The following GDI2 variants were observed in gnomAD, a reference collection of about 807,000 sequenced individuals.
GDI2 encodes rab GDP dissociation inhibitor beta.
A neutral mutation model predicts 54.2 loss-of-function variants in GDI2; 22 were observed. That is an observed-to-expected ratio of 0.41 (90% CI 0.29 to 0.58). GDI2 has a LOEUF of 0.58. Ranked by LOEUF, GDI2 falls within the 20% of genes least tolerant of loss-of-function variation. The pLI, the probability that GDI2 is intolerant of heterozygous loss-of-function variation, is 0.35. For synonymous variants in GDI2, 177 were observed against 182.1 expected, an observed-to-expected ratio of 0.97 and a Z score of 0.23; for missense variants, 422 against 546.0, an observed-to-expected ratio of 0.77 and a Z score of 2.26.
intron 4 of GDI2, among the ~76,000 whole-genome samples, chr10:5,794,172 G>GAAAAAAAAAAAAA (rs1256206663): frequency 3.6e-5 from 1 of 27,966 alleles, no homozygotes; most frequent in East Asian, 9.2e-4. Flanking sequence ...GTCTTTAAAA[G>GAAAAAAAAAAAAA]AAAAAAAAAA....
Position 5,774,018 on chromosome 10 carries a change from G to A in GDI2, c.720-77C>T, listed in dbSNP as rs1170298563. 4 of 678,988 alleles carry A rather than the reference G, an allele frequency of 5.9e-6. No individual in the cohort carries two copies. The highest frequency in any genetic ancestry group is 3.5e-5 in the South Asian group (2 of 57,760). 42.1% of individuals were successfully genotyped at this position (678,988 alleles called of 1,614,324 possible). ...AAAGTCCCCTTTCTTAGATCTTAAT[G>A]AGTTACAGACAATATACATTTGTTC... On this transcript the variant is annotated intron_variant, in intron 6 of 10. Coordinates refer to ENST00000380191, the MANE Select transcript of GDI2 (RefSeq NM_001494.4). This position sits in a 1 kb window ranked among gnomAD's most constrained non-coding sequence, Gnocchi z 4.8.
At chr10:5,787,190 C>T (rs1203498114) in intron 4 of GDI2, among the ~76,000 whole-genome samples, 3 of 152,098 alleles carry the variant, frequency 2.0e-5, no homozygotes, top group Admixed American at 6.6e-5. Flanking sequence ...CATTTTCCAG[C>T]CAACAAAACT....
In GDI2 at chr10:5,776,527, A is replaced by G. The variant is rs572660026; in HGVS notation, c.720-2586T>C. 1,078 of 1,495,100 alleles carry G rather than the reference A, an allele frequency of 7.2e-4. 12 individuals are homozygous for G. In the East Asian group the frequency reaches 0.022, roughly 30 times the overall value. The allele number at this position is 1,495,100 out of a possible 1,614,324, so 92.6% of individuals were successfully genotyped here. A position where few individuals can be genotyped will look rare whatever the true frequency, so the allele number is the denominator to read the frequency against. ...CCGAAAGATAAAACAATTATAGAGAAGCAGATTTGAAGAGGCATGTGGAAT... is the reference window on the plus strand; with the variant it reads ...CCGAAAGATAAAACAATTATAGAGAGGCAGATTTGAAGAGGCATGTGGAAT... On this transcript the variant is annotated intron_variant, in intron 6 of 10. Coordinates refer to ENST00000380191, the MANE Select transcript of GDI2 (RefSeq NM_001494.4). This position sits in a 1 kb window ranked among gnomAD's most constrained non-coding sequence, Gnocchi z 5.3.
Position 5,765,975 on chromosome 10 carries a change from T to C in GDI2, c.*31A>G. ...TGCATTATTTGCCAAATTTTAAATGTGTCCTAATTACATAATAACATGTAC... is the reference window on the plus strand; with the variant it reads ...TGCATTATTTGCCAAATTTTAAATGCGTCCTAATTACATAATAACATGTAC... On this transcript the variant is annotated 3_prime_UTR_variant, in exon 11 of 11. Coordinates refer to ENST00000380191, the MANE Select transcript of GDI2 (RefSeq NM_001494.4). The C allele has an allele frequency of 6.6e-7, 1 of 1,519,754 alleles. No homozygotes were observed. The highest frequency in any genetic ancestry group is 1.3e-5 in the South Asian group (1 of 79,134). The allele number at this position is 1,519,754 out of a possible 1,614,324, so 94.1% of individuals were successfully genotyped here.
At chr10:5,782,790 G>A (rs560791047) in intron 6 of GDI2, among the ~76,000 whole-genome samples, 11 of 152,188 alleles carry the variant, frequency 7.2e-5, no homozygotes, top group East Asian at 3.9e-4. Flanking sequence ...AAAATTAGCC[G>A]GATGTGGTGG....
At chr10:5,806,375 G>C (rs577710277) in intron 1 of GDI2, among the ~76,000 whole-genome samples, 13 of 13,846 alleles carry the variant, frequency 9.4e-4, no homozygotes, top group Non-Finnish European at 7.9e-4. Context: ...AGGTAACACA[G>C]TGAGACCCCC....
At chr10:5,791,678 C>T (rs1588979849) in intron 4 of GDI2, among the ~76,000 whole-genome samples, 1 of 149,148 alleles carries the variant, frequency 6.7e-6, no homozygotes, top group African/African-American at 2.5e-5. Context: ...ACCCAGGAGG[C>T]GGAGGTTGCA....
chr10:5,766,493 C>A lies in GDI2; in HGVS notation c.1136+1G>T. ...GGCAGATATAAAAGAACACAACTCA[C>A]TTCTGTTCAATTGGTTCCAAGAGCT... On this transcript the variant is annotated splice_donor_variant, in intron 9 of 10. Coordinates refer to ENST00000380191, the MANE Select transcript of GDI2 (RefSeq NM_001494.4). LOFTEE classifies it high-confidence loss of function. The surrounding 1 kb of genome is among the most constrained non-coding windows in gnomAD (Gnocchi z 5.8). 6.2e-7 allele frequency: 1 copy of A among 1,613,158 alleles called. No homozygotes were observed. The highest frequency in any genetic ancestry group is 8.5e-7 in the Non-Finnish European group (1 of 1,179,826).
rs1840865313 is a variant in GDI2 at position 5,785,973 on chromosome 10, T to C, written c.466A>G (p.Arg156Gly). 6.2e-7 allele frequency: 1 copy of C among 1,613,104 alleles called. No homozygotes were observed. Among genetic ancestry groups the C allele is most frequent in the Non-Finnish European group, 8.5e-7 (1 of 1,179,084 alleles). The change falls in exon 5 of 11, where the codon AGA becomes GGA. Residue 156 changes from arginine to glycine, a missense_variant. By Grantham distance (125) the Arg-to-Gly change is moderately radical. Transcript: ENST00000380191. ...YVANFDEKDP[R>G]TFEGIDPKKT... The stretch of plus-strand genomic sequence containing the variant: ...TTAGGATCAATGCCTTCAAAAGTTC[T>C]TGGATCTTTTTCATCGAAGTTGGCA...
chr10:5,791,087 T>C (rs1841001310), intron 4 of GDI2, among the ~76,000 whole-genome samples: 5 of 151,658 alleles, frequency 3.3e-5, no homozygotes, highest in Admixed American at 3.3e-4. Context: ...AGTCCGGGAG[T>C]TCAAGACCAA....
intron 6 of GDI2, among the ~76,000 whole-genome samples, chr10:5,777,920 T>C (rs1204181526): frequency 1.3e-5 from 2 of 151,980 alleles, no homozygotes; most frequent in African/African-American, 4.8e-5. Context: ...ATAAAGAAAA[T>C]GTGGCACATA....
At chr10:5,799,706 G>C (rs1006282114) in intron 2 of GDI2, among the ~76,000 whole-genome samples, 1 of 152,116 alleles carries the variant, frequency 6.6e-6, no homozygotes, top group Non-Finnish European at 1.5e-5. Context: ...AAACAGCTAC[G>C]TAAGAGATTA....
chr10:5,767,487 T>G (rs1840376883), intron 8 of GDI2, among the ~76,000 whole-genome samples: 1 of 152,044 alleles, frequency 6.6e-6, no homozygotes, highest in Non-Finnish European at 1.5e-5. Flanking sequence ...CCATTTTTGT[T>G]TGTTTGTTTT....
chr10:5,782,029 C>T (rs1347102022), intron 6 of GDI2, among the ~76,000 whole-genome samples: 1 of 152,060 alleles, frequency 6.6e-6, no homozygotes, highest in African/African-American at 2.4e-5. Context: ...AAAGTTAACA[C>T]TTATGCTTAT....
intron 1 of GDI2, among the ~76,000 whole-genome samples, chr10:5,804,354 A>G (rs572516009): frequency 2.7e-3 from 417 of 152,296 alleles, no homozygotes; most frequent in Non-Finnish European, 4.6e-3. Context: ...TTGGCCTCCC[A>G]AAGTGCTGGG....
chr10:5,812,883 GCGGGA>G (rs1448077141), intron 1 of GDI2, among the ~76,000 whole-genome samples: 1 of 152,206 alleles, frequency 6.6e-6, no homozygotes, highest in Non-Finnish European at 1.5e-5. Flanking sequence ...AAACCGGGGA[GCGGGA>G]CCCTTGGCCC....
intron 6 of GDI2, among the ~76,000 whole-genome samples, chr10:5,781,320 G>A (rs545276305): frequency 6.6e-6 from 1 of 151,840 alleles, no homozygotes; most frequent in South Asian, 2.1e-4. Flanking sequence ...GTGCCCTTGG[G>A]GGCAAGTAAA....
intron 3 of GDI2, among the ~76,000 whole-genome samples, chr10:5,795,583 C>A (rs1330128809): frequency 6.6e-6 from 1 of 152,052 alleles, no homozygotes; most frequent in Admixed American, 6.6e-5. Context: ...ATTCTATCAA[C>A]TTGCTTTTGC....
At chr10:5,799,883 T>G (rs1050139431) in intron 2 of GDI2, among the ~76,000 whole-genome samples, 3 of 152,154 alleles carry the variant, frequency 2.0e-5, no homozygotes, top group African/African-American at 7.2e-5. Context: ...AAAAGAGACA[T>G]GAAAAAAATA....
Sources: gnomAD v4.1 joint callset for allele counts (sites outside exome capture counted in the v4.1 genomes callset) on GRCh38, gnomAD v4.1.1 for gene constraint, Gnocchi (gnomAD v3.1) non-coding constraint, MANE v1.5 for transcripts, NCBI Gene and HGNC (gene_info 2026-07-23, HGNC 2026-07-21) for gene names.